The following HPCAL1 variants were observed in gnomAD, a reference collection of about 807,000 sequenced individuals.
The protein encoded by HPCAL1 is hippocalcin-like protein 1.
HPCAL1 carries 8 observed loss-of-function variants against 17.1 expected under a neutral mutation model. The ratio of observed to expected loss-of-function variants is 0.47; its 90% CI spans 0.27 to 0.84. HPCAL1 has a LOEUF of 0.84. Ranked by LOEUF, HPCAL1 falls within the 40% of genes least tolerant of loss-of-function variation. HPCAL1 has a pLI of 0.13. For missense variants in HPCAL1, 165 were observed against 271.1 expected (o/e 0.61, Z 2.75); for synonymous variants, 112 against 111.4 (o/e 1.01, Z -0.03).
intron 2 of HPCAL1, among the ~76,000 whole-genome samples, chr2:10,415,305 G>T (rs1251305323): frequency 6.6e-6 from 1 of 152,212 alleles, no homozygotes; most frequent in Non-Finnish European, 1.5e-5. Context: ...CTGACTGCGG[G>T]AGCTGGAGGG....
In HPCAL1 at chr2:10,359,540, C is replaced by T. The variant is rs919983048; in HGVS notation, c.-110-37295C>T. Among the ~76,000 whole-genome samples, 3 of 152,228 alleles carry T rather than the reference C, an allele frequency of 2.0e-5. No homozygotes were observed. The highest frequency in any genetic ancestry group is 4.4e-5 in the Non-Finnish European group (3 of 68,028). On this transcript the variant is annotated intron_variant, in intron 1 of 4. Coordinates refer to ENST00000307845, the MANE Select transcript of HPCAL1 (RefSeq NM_002149.4). The surrounding 1 kb of genome is among the most constrained non-coding windows in gnomAD (Gnocchi z 4.1). ...AACATTTCTCCCACCCTCTGTCCCT[C>T]GGGGACCCCACTTCCCAGGTGGCCT...
chr2:10,342,014 T>A lies in HPCAL1; in HGVS notation c.-111+38837T>A, dbSNP rs1390338119. Among the ~76,000 whole-genome samples, 1 of 151,062 alleles carries A rather than the reference T, an allele frequency of 6.6e-6. No homozygotes were observed. Among genetic ancestry groups the A allele is most frequent in the Non-Finnish European group, 1.5e-5 (1 of 67,748 alleles). ...CTAGATAAAGTTTTTTTTTTTTTTT[T>A]AAATTAGCCAGATGTGGTGGTGGTG... On this transcript the variant is annotated intron_variant, in intron 1 of 4. Coordinates refer to ENST00000307845, the MANE Select transcript of HPCAL1 (RefSeq NM_002149.4). This position sits in a 1 kb window ranked among gnomAD's most constrained non-coding sequence, Gnocchi z 4.1.
intron 2 of HPCAL1, among the ~76,000 whole-genome samples, chr2:10,398,114 T>A (rs759859832): frequency 1.8e-4 from 27 of 152,092 alleles, no homozygotes; most frequent in Non-Finnish European, 3.4e-4. Flanking sequence ...TGCTCCTGCA[T>A]ACTGTGAGCA....
intron 1 of HPCAL1, among the ~76,000 whole-genome samples, chr2:10,364,114 G>A (rs1428194027): frequency 6.6e-6 from 1 of 152,222 alleles, no homozygotes; most frequent in Admixed American, 6.5e-5. Flanking sequence ...TGACCTTGGA[G>A]ATGGTAGTGA....
chr2:10,380,657 CT>C lies in HPCAL1; in HGVS notation c.-110-16177del, dbSNP rs1667883500. On this transcript the variant is annotated intron_variant, in intron 1 of 4. Transcript: ENST00000307845. ...CCTACAACCCACCCCTCCCCATTTT[CT>C]CTTTCTCTCTGCATGACTATTATTC... is the stretch of plus-strand genomic sequence containing the variant. Among the ~76,000 whole-genome samples, 4 of 151,936 alleles carry C rather than the reference CT, an allele frequency of 2.6e-5. No individual in the cohort carries two copies. In the East Asian group the frequency reaches 7.8e-4, roughly 30 times the overall value.
intron 1 of HPCAL1, among the ~76,000 whole-genome samples, chr2:10,371,496 C>A (rs1434916859): frequency 2.0e-5 from 3 of 152,116 alleles, no homozygotes; most frequent in Non-Finnish European, 4.4e-5. Context: ...TGTGGCCCCA[C>A]CTTGGCTGTG....
At chr2:10,303,494 T>C (rs1358770712) in intron 1 of HPCAL1, among the ~76,000 whole-genome samples, 3 of 151,956 alleles carry the variant, frequency 2.0e-5, no homozygotes, top group African/African-American at 7.3e-5. Context: ...GTGTCGTGTG[T>C]GAGCAGCTGT....
chr2:10,399,232 C>T (rs867715135), intron 2 of HPCAL1, among the ~76,000 whole-genome samples: 81 of 72,384 alleles, frequency 1.1e-3, no homozygotes, highest in Middle Eastern at 0.014. Context: ...ACCACCACCA[C>T]CACCACCATC....
At position 10,303,128 on chromosome 2, in the gene HPCAL1, G is replaced by A. The variant is rs577658973; in HGVS notation, c.-160G>A. ...CGGGCCCGCTGCAGCCGCCGCCGGCGCCGAACTTGGGCTCGGGAAGCCGGC... is the reference window on the plus strand; with the variant it reads ...CGGGCCCGCTGCAGCCGCCGCCGGCACCGAACTTGGGCTCGGGAAGCCGGC... On this transcript the variant is annotated 5_prime_UTR_variant, in exon 1 of 5. Transcript: ENST00000307845. 6.6e-6 allele frequency: 1 copy of A among 152,026 alleles called. No homozygotes were observed. Among genetic ancestry groups the A allele is most frequent in the African/African-American group, 2.4e-5 (1 of 41,498 alleles). 9.4% of individuals were successfully genotyped at this position (152,026 alleles called of 1,614,324 possible).
intron 3 of HPCAL1, 35 bp downstream of exon 3, chr2:10,420,170 GC>G: frequency 6.5e-7 from 1 of 1,549,358 alleles, no homozygotes; most frequent in Non-Finnish European, 8.8e-7. Flanking sequence ...CTCACCGCGG[GC>G]CCAGGTCCCC....
chr2:10,382,593 TAAAAAAA>T (rs70948887), intron 1 of HPCAL1, among the ~76,000 whole-genome samples: 1 of 128,012 alleles, frequency 7.8e-6, no homozygotes, highest in African/African-American at 3.0e-5. Context: ...GTTCATTAAT[TAAAAAAA>T]AAAAAAAAAA....
intron 1 of HPCAL1, among the ~76,000 whole-genome samples, chr2:10,317,225 A>T (rs1558452541): frequency 1.3e-5 from 2 of 152,292 alleles, no homozygotes; most frequent in South Asian, 4.1e-4. Context: ...GATTTCTGAC[A>T]TAATTTTGTC....
rs1662900447 is a variant in HPCAL1, at chr2:10,310,704, G to A, written c.-111+7527G>A. Among the ~76,000 whole-genome samples, 1 of 152,166 alleles carries A rather than the reference G, an allele frequency of 6.6e-6. No individual in the cohort carries two copies. The highest frequency in any genetic ancestry group is 1.5e-5 in the Non-Finnish European group (1 of 68,010). On this transcript the variant is annotated intron_variant, in intron 1 of 4. Transcript: ENST00000307845. This position sits in a 1 kb window ranked among gnomAD's most constrained non-coding sequence, Gnocchi z 4.5. ...CTGGTGGTCCCCTCCCTCTGTGAGTGTGTGCAGAGCATGGATCGGGTCTGG... is the reference window on the plus strand; with the variant it reads ...CTGGTGGTCCCCTCCCTCTGTGAGTATGTGCAGAGCATGGATCGGGTCTGG...
intron 1 of HPCAL1, among the ~76,000 whole-genome samples, chr2:10,383,740 T>A (rs553095559): frequency 4.9e-4 from 75 of 151,656 alleles, no homozygotes; most frequent in Non-Finnish European, 8.2e-4. Flanking sequence ...GGGGAATATA[T>A]TTGTCGAGTC....
rs1010893526 is a variant in HPCAL1, at chr2:10,342,313, G to T, written c.-111+39136G>T. On this transcript the variant is annotated intron_variant, in intron 1 of 4. Transcript: ENST00000307845. This position sits in a 1 kb window ranked among gnomAD's most constrained non-coding sequence, Gnocchi z 4.1. Reference sequence around the variant, plus strand: ...CAGGCCGAGGTGGGGACCCTGCCTCGCCCGCCTCCAGGGGCACACTGCATT... The same window carrying T: ...CAGGCCGAGGTGGGGACCCTGCCTCTCCCGCCTCCAGGGGCACACTGCATT... 2.3e-4 allele frequency among the ~76,000 whole-genome samples: 35 copies of T among 152,258 alleles called. No individual in the cohort carries two copies. The highest frequency in any genetic ancestry group is 8.4e-4 in the African/African-American group (35 of 41,538).
In HPCAL1 at chr2:10,398,543, C is replaced by T. The variant is rs955920776; in HGVS notation, c.-25+1623C>T. Among the ~76,000 whole-genome samples the T allele has an allele frequency of 2.0e-5, 3 of 152,194 alleles. No homozygotes were observed. In the South Asian group the frequency reaches 6.2e-4, roughly 32 times the overall value. ...ACCAGTGGCAGGTTTCATCTGTGGC[C>T]CTGGTAGATGTGAGTCCCGCAGCCG... On this transcript the variant is annotated intron_variant, in intron 2 of 4. Coordinates refer to ENST00000307845, the MANE Select transcript of HPCAL1 (RefSeq NM_002149.4).
At chr2:10,385,211 C>T (rs945147302) in intron 1 of HPCAL1, among the ~76,000 whole-genome samples, 1 of 152,210 alleles carries the variant, frequency 6.6e-6, no homozygotes, top group Non-Finnish European at 1.5e-5. Flanking sequence ...CCCATCAGCC[C>T]CTCCCAGCCC....
At chr2:10,341,109 G>A (rs7566472) in intron 1 of HPCAL1, among the ~76,000 whole-genome samples, 10,156 of 151,956 alleles carry the variant, frequency 0.067, 972 homozygotes, top group African/African-American at 0.21. Context: ...TGTCCTTCGC[G>A]ATTTTTCTTA....
chr2:10,400,398 A>G (rs551451718), intron 2 of HPCAL1, among the ~76,000 whole-genome samples: 2 of 152,240 alleles, frequency 1.3e-5, no homozygotes, highest in African/African-American at 2.4e-5. Context: ...TGTGTAGCCA[A>G]CAATTCTTCT....
Sources: allele counts gnomAD v4.1 joint callset (sites outside exome capture counted in the v4.1 genomes callset), GRCh38; gene constraint gnomAD v4.1.1; non-coding constraint Gnocchi (gnomAD v3.1); transcripts MANE v1.5; gene names NCBI Gene and HGNC (gene_info 2026-07-23, HGNC 2026-07-21).